The following SGPP2 variants were observed in gnomAD, a reference collection of about 807,000 sequenced individuals.
SGPP2 encodes sphingosine 1-phosphate phosphohydrolase 2.
In SGPP2, 30 loss-of-function variants were observed where a neutral mutation model predicts 33.9. The ratio of observed to expected loss-of-function variants is 0.89; its 90% confidence interval spans 0.66 to 1.20. The LOEUF is 1.20. SGPP2 is among the 50% of genes most tolerant of loss of function. SGPP2 has a pLI of 0.00. For synonymous variants in SGPP2, 233 were observed against 225.0 expected, an observed-to-expected ratio of 1.04 and a Z score of -0.32; for missense variants, 458 against 532.1, an observed-to-expected ratio of 0.86 and a Z score of 1.37.
At chr2:222,461,805 CTA>C (rs1697664710) in intron 1 of SGPP2, among the ~76,000 whole-genome samples, 1 of 152,152 alleles carries the variant, frequency 6.6e-6, no homozygotes, top group Admixed American at 6.5e-5. Context: ...CTGCTGGTTC[CTA>C]ATGGAACCAG....
intron 2 of SGPP2, among the ~76,000 whole-genome samples, chr2:222,497,848 A>G (rs1304762599): frequency 2.6e-5 from 4 of 152,188 alleles, no homozygotes; most frequent in Admixed American, 6.5e-5. Flanking sequence ...ACTTTAGAGA[A>G]GGTGGTTGGA....
intron 2 of SGPP2, among the ~76,000 whole-genome samples, chr2:222,515,811 G>A (rs1261639664): frequency 6.6e-6 from 1 of 152,118 alleles, no homozygotes; most frequent in Non-Finnish European, 1.5e-5. Flanking sequence ...GGCCAAGGCA[G>A]GCGGATCACC....
At chr2:222,523,806 G>A (rs1698719332) in intron 3 of SGPP2, among the ~76,000 whole-genome samples, 1 of 152,004 alleles carries the variant, frequency 6.6e-6, no homozygotes, top group Non-Finnish European at 1.5e-5. Flanking sequence ...AATGTGTGTT[G>A]AGGCTGCTGC....
intron 2 of SGPP2, among the ~76,000 whole-genome samples, chr2:222,475,545 A>G (rs1028095533): frequency 1.3e-5 from 2 of 152,230 alleles, no homozygotes; most frequent in Non-Finnish European, 2.9e-5. Flanking sequence ...AAGTGATTAT[A>G]CACATGGGAG....
rs1697035312 is a variant in SGPP2 at position 222,424,819 on chromosome 2, G to C, written c.217G>C (p.Glu73Gln). ...CGGGCTGCGCAGAGCCGCGGCGCCG[G>C]AGGTAACCATGGGCAGGTGTTCGCC... is the stretch of plus-strand genomic sequence containing the variant. ...ANGLRRAAAP[E>Q]AYVQKYVVKN... The change falls in exon 1 of 5, where the codon GAG becomes CAG. Residue 73 changes from glutamate to glutamine, a missense_variant and splice_region_variant. By Grantham distance (29) the Glu-to-Gln change is conservative. Coordinates refer to ENST00000321276, the MANE Select transcript of SGPP2 (RefSeq NM_152386.4). The C allele has an allele frequency of 7.3e-7, 1 of 1,364,650 alleles. No homozygotes were observed. Among genetic ancestry groups the C allele is most frequent in the Admixed American group, 3.4e-5 (1 of 29,154 alleles). The allele number at this position is 1,364,650 out of a possible 1,614,324, so 84.5% of individuals were successfully genotyped here.
intron 4 of SGPP2, among the ~76,000 whole-genome samples, chr2:222,532,557 C>T (rs1351946202): frequency 6.6e-6 from 1 of 152,104 alleles, no homozygotes; most frequent in Admixed American, 6.5e-5. Context: ...CCAGGGAAGG[C>T]GTCCCTGCCT....
chr2:222,558,904 A>G lies in SGPP2; in HGVS notation c.*6A>G. On this transcript the variant is annotated 3_prime_UTR_variant, in exon 5 of 5. Transcript: ENST00000321276. ...GGTTTCTGGGATTACCCTGAGTCTC[A>G]AACAGTTGGAAACTAGCCCACTGGA... 1 of 1,594,818 alleles carries G rather than the reference A, an allele frequency of 6.3e-7. No homozygotes were observed. Among genetic ancestry groups the G allele is most frequent in the Non-Finnish European group, 8.6e-7 (1 of 1,164,122 alleles).
intron 1 of SGPP2, among the ~76,000 whole-genome samples, chr2:222,466,066 G>A (rs1275865907): frequency 1.3e-5 from 2 of 152,106 alleles, no homozygotes; most frequent in South Asian, 2.1e-4. Flanking sequence ...GGCCAAAGGA[G>A]GAGGATTGCT....
intron 4 of SGPP2, among the ~76,000 whole-genome samples, 187 bp downstream of exon 4, chr2:222,525,220 G>T (rs913932121): frequency 2.6e-5 from 4 of 152,152 alleles, no homozygotes; most frequent in Non-Finnish European, 4.4e-5. Context: ...AAACATTAAG[G>T]TAATATCAAT....
chr2:222,500,842 G>C (rs1259590319), intron 2 of SGPP2, among the ~76,000 whole-genome samples: 1 of 152,170 alleles, frequency 6.6e-6, no homozygotes, highest in Non-Finnish European at 1.5e-5. Flanking sequence ...TTTGCTCATG[G>C]ACTGCTTCGT....
At chr2:222,497,105 G>A (rs542823925) in intron 2 of SGPP2, among the ~76,000 whole-genome samples, 1 of 152,290 alleles carries the variant, frequency 6.6e-6, no homozygotes, top group Admixed American at 6.5e-5. Context: ...CTGATGGAAA[G>A]TTGGGAAACA....
At chr2:222,439,922 T>A (rs889972655) in intron 1 of SGPP2, among the ~76,000 whole-genome samples, 7 of 152,218 alleles carry the variant, frequency 4.6e-5, no homozygotes, top group African/African-American at 1.7e-4. Context: ...CTGGTCTTGC[T>A]GTTGGGTATA....
intron 4 of SGPP2, among the ~76,000 whole-genome samples, chr2:222,531,137 A>G (rs942663278): frequency 1.3e-5 from 2 of 152,230 alleles, no homozygotes; most frequent in African/African-American, 4.8e-5. Flanking sequence ...GTTGTGTCTC[A>G]GAGCATAGGG....
At chr2:222,466,588 A>G (rs1409754122) in intron 1 of SGPP2, among the ~76,000 whole-genome samples, 9 of 152,096 alleles carry the variant, frequency 5.9e-5, no homozygotes, top group African/African-American at 9.7e-5. Context: ...ACATAACGAC[A>G]GTTGTTCCCT....
At chr2:222,450,762 G>A (rs1323954012) in intron 1 of SGPP2, among the ~76,000 whole-genome samples, 1 of 152,148 alleles carries the variant, frequency 6.6e-6, no homozygotes, top group Admixed American at 6.5e-5. Flanking sequence ...GTTTGAAAAG[G>A]GGGTTGGTAC....
chr2:222,435,049 TAC>T (rs1228761076), intron 1 of SGPP2, among the ~76,000 whole-genome samples: 4 of 19,262 alleles, frequency 2.1e-4, no homozygotes, highest in Admixed American at 1.7e-3. Flanking sequence ...TGTATATATA[TAC>T]ACACATATAC....
chr2:222,522,022 A>C, intron 3 of SGPP2, 76 bp downstream of exon 3: 2 of 1,375,340 alleles, frequency 1.5e-6, no homozygotes, highest in Non-Finnish European at 1.9e-6. Context: ...ATTTTCTCTT[A>C]AAGCTGCTTT....
chr2:222,544,027 T>A (rs1689135045), intron 4 of SGPP2, among the ~76,000 whole-genome samples: 1 of 152,218 alleles, frequency 6.6e-6, no homozygotes. Context: ...TATAGAGGTC[T>A]TGCCTATCAT....
intron 1 of SGPP2, among the ~76,000 whole-genome samples, chr2:222,432,080 A>G (rs2106057024): frequency 6.6e-6 from 1 of 152,340 alleles, no homozygotes; most frequent in South Asian, 2.1e-4. Context: ...CCTATAGACA[A>G]GAAGATAGCA....
Sources: allele counts gnomAD v4.1 joint callset (sites outside exome capture counted in the v4.1 genomes callset), GRCh38; gene constraint gnomAD v4.1.1; transcripts MANE v1.5; gene names NCBI Gene and HGNC (gene_info 2026-07-23, HGNC 2026-07-21).